The following TNNT1 variants were observed in gnomAD, a reference collection of about 807,000 sequenced individuals.
TNNT1 encodes troponin T, slow skeletal muscle.
TNNT1 carries 53 observed loss-of-function variants against 50.6 expected under a neutral mutation model. The observed-to-expected ratio is 1.05, with a 90% confidence interval of 0.84 to 1.32. The LOEUF (loss-of-function observed/expected upper bound fraction) is 1.32. TNNT1 is among the 40% of genes most tolerant of loss of function. TNNT1 has a pLI of 0.00. For missense variants in TNNT1, 348 were observed against 381.7 expected, an observed-to-expected ratio of 0.91 and a Z score of 0.74; for synonymous variants, 142 against 138.0, an observed-to-expected ratio of 1.03 and a Z score of -0.20.
intron 7 of TNNT1, 36 bp downstream of exon 7, chr19:55,141,821 G>T (rs1052386194): frequency 2.5e-6 from 4 of 1,611,682 alleles, no homozygotes; most frequent in Non-Finnish European, 3.4e-6. Context: ...TTAAAGACTA[G>T]CAACTGCGCC....
intron 6 of TNNT1, among the ~76,000 whole-genome samples, chr19:55,143,091 C>T (rs901775682): frequency 6.6e-6 from 1 of 151,864 alleles, no homozygotes; most frequent in Non-Finnish European, 1.5e-5. Flanking sequence ...ATCGCTTGAA[C>T]CCCGGAGGCA....
At chr19:55,135,525 CTT>C (rs35798514) in intron 11 of TNNT1, 4,194 of 170,326 alleles carry the variant, frequency 0.025, no homozygotes, top group South Asian at 0.062. Context: ...TCACCTCAGC[CTT>C]TTTTTTTTTT....
chr19:55,148,845 C>G (rs917286964), intron 1 of TNNT1, among the ~76,000 whole-genome samples: 1 of 152,070 alleles, frequency 6.6e-6, no homozygotes, highest in Non-Finnish European at 1.5e-5. Context: ...TGTTTGACCT[C>G]CAAGTCCAGA....
At chr19:55,146,620 G>A in intron 4 of TNNT1, 61 bp downstream of exon 4, 1 of 676,702 alleles carries the variant, frequency 1.5e-6, no homozygotes. Flanking sequence ...CCCTCCTCCC[G>A]GGCCCAGCGT....
intron 13 of TNNT1, 90 bp downstream of exon 13, chr19:55,133,797 G>C: frequency 4.1e-6 from 6 of 1,463,362 alleles, no homozygotes; most frequent in Non-Finnish European, 5.8e-6. Flanking sequence ...TCAGGCAGTG[G>C]GGGATGGAGC....
chr19:55,134,314 T>G (rs2085304232), intron 11 of TNNT1, 110 bp from the exon 12 acceptor site: 14 of 1,134,454 alleles, frequency 1.2e-5, no homozygotes, highest in Non-Finnish European at 1.5e-5. Flanking sequence ...TTGTTCATAT[T>G]TGAGGCCGAG....
intron 9 of TNNT1, among the ~76,000 whole-genome samples, chr19:55,139,022 T>C (rs57026198): frequency 0.11 from 16,427 of 152,108 alleles, 1,047 homozygotes; most frequent in East Asian, 0.23. Flanking sequence ...TGAGATGGAG[T>C]CTCGCTCTGT....
At chr19:55,137,483 C>T (rs1238106159) in intron 10 of TNNT1, among the ~76,000 whole-genome samples, 4 of 150,712 alleles carry the variant, frequency 2.7e-5, no homozygotes, top group African/African-American at 9.8e-5. Context: ...CCCCCAGCCC[C>T]TCCTCCCTCA....
Position 55,146,697 on chromosome 19 carries a change from C to A in TNNT1, c.57G>T (p.Ala19=). The A allele has an allele frequency of 1.3e-6, 2 of 1,501,568 alleles. No homozygotes were observed. Among genetic ancestry groups the A allele is most frequent in the East Asian group, 2.4e-5 (1 of 41,772 alleles). 93.0% of individuals were successfully genotyped at this position (1,501,568 alleles called of 1,614,324 possible). A position where few individuals can be genotyped will look rare whatever the true frequency, so the allele number is the denominator to read the frequency against. ...GGACCTCACCTTCCTCCTCCTCCTC[C>A]GCAGCCTCCTCTGGAGATGGGGGCA... is the stretch of plus-strand genomic sequence containing the variant. The part of the protein sequence containing the change: ...YEEEQPEEEA[A]EEEEEAPEEP... The change falls in exon 4 of 14, where the codon GCG becomes GCT. Residue 19 remains alanine, a synonymous_variant. Transcript: ENST00000588981.
At chr19:55,134,034 T>TCTCC (rs748307448) in intron 12 of TNNT1, 32 bp downstream of exon 12, 1 of 1,599,978 alleles carries the variant, frequency 6.3e-7, no homozygotes, top group Non-Finnish European at 8.6e-7. Context: ...CCCTGCCCTC[T>TCTCC]CTCCCTCCCT....
chr19:55,133,411 G>A (rs2085282724), intron 13 of TNNT1: 4 of 294,164 alleles, frequency 1.4e-5, no homozygotes, highest in Non-Finnish European at 2.6e-5. Context: ...TGGGCGCGGT[G>A]GCTCACGCCT....
Position 55,146,686 on chromosome 19 carries a change from T to C in TNNT1, c.68A>G (p.Glu23Gly). Residue 23 changes from glutamate to glycine, a missense_variant, in exon 4 of 14, where the codon GAG becomes GGG. Coordinates refer to ENST00000588981, the MANE Select transcript of TNNT1 (RefSeq NM_003283.6). The part of the protein sequence containing the change: ...QPEEEAAEEE[E>G]EAPEEPEPVA... ...TGCGGAGTCCGGGACCTCACCTTCC[T>C]CCTCCTCCTCCGCAGCCTCCTCTGG... The C allele has an allele frequency of 7.2e-7, 1 of 1,396,514 alleles. No homozygotes were observed. The highest frequency in any genetic ancestry group is 9.4e-7 in the Non-Finnish European group (1 of 1,058,786). 86.5% of individuals were successfully genotyped at this position (1,396,514 alleles called of 1,614,324 possible).
chr19:55,133,619 A>C (rs1019419842), intron 13 of TNNT1: 1 of 536,648 alleles, frequency 1.9e-6, no homozygotes, highest in Non-Finnish European at 3.3e-6. Flanking sequence ...TGGAAGTTGC[A>C]GTGAGCTGAG....
In TNNT1 at chr19:55,141,856, C is replaced by T. The variant is rs767424605; in HGVS notation, c.192+1G>A. The T allele has an allele frequency of 1.2e-6, 2 of 1,614,012 alleles. No individual in the cohort carries two copies. Among genetic ancestry groups the T allele is most frequent in the South Asian group, 1.1e-5 (1 of 91,088 alleles). On this transcript the variant is annotated splice_donor_variant, in intron 7 of 13. Transcript: ENST00000588981. LOFTEE classifies it high-confidence loss of function. The stretch of plus-strand genomic sequence containing the variant: ...CTGCGGAGGGGTCTCTTGTCACTTA[C>T]ATCGAAGTCAACGCGCTCCCCTTCT...
At position 55,140,785 on chromosome 19, in the gene TNNT1, A is replaced by G. The variant is rs1028227146; in HGVS notation, c.387+98T>C. On this transcript the variant is annotated intron_variant, in intron 9 of 13. Coordinates refer to ENST00000588981, the MANE Select transcript of TNNT1 (RefSeq NM_003283.6). Reference sequence around the variant, plus strand: ...GAGCTAGACTCCGTTTCAAAGAATAATAATAATAGTAATAATAATAATAAT... The same window carrying G: ...GAGCTAGACTCCGTTTCAAAGAATAGTAATAATAGTAATAATAATAATAAT... 1.5e-5 allele frequency: 13 copies of G among 873,296 alleles called. No homozygotes were observed. In the African/African-American group the frequency reaches 2.1e-4, roughly 14 times the overall value. The allele number at this position is 873,296 out of a possible 1,614,324, so 54.1% of individuals were successfully genotyped here. A position where few individuals can be genotyped will look rare whatever the true frequency, so the allele number is the denominator to read the frequency against.
chr19:55,142,428 T>C (rs1181157114), intron 6 of TNNT1, among the ~76,000 whole-genome samples: 1 of 151,982 alleles, frequency 6.6e-6, no homozygotes, highest in African/African-American at 2.4e-5. Flanking sequence ...GCACTAATCA[T>C]GTTTTATACT....
intron 10 of TNNT1, 62 bp downstream of exon 10, chr19:55,137,899 G>A (rs1369440028): frequency 6.3e-7 from 1 of 1,595,764 alleles, no homozygotes. Context: ...GGAACCAGAG[G>A]TCTGGCCCCC....
intron 10 of TNNT1, 118 bp from the exon 11 acceptor site, chr19:55,137,330 A>G (rs1053172210): frequency 5.7e-6 from 4 of 705,818 alleles, no homozygotes; most frequent in Non-Finnish European, 1.0e-5. Context: ...ACAGGTCTGC[A>G]CCCCAGGCCC....
intron 6 of TNNT1, among the ~76,000 whole-genome samples, chr19:55,143,834 A>G (rs1435125794): frequency 6.6e-6 from 1 of 152,158 alleles, no homozygotes; most frequent in Non-Finnish European, 1.5e-5. Flanking sequence ...CCTAAGCCCC[A>G]GACTCAAGCT....
Sources: allele counts gnomAD v4.1 joint callset (sites outside exome capture counted in the v4.1 genomes callset), GRCh38; gene constraint gnomAD v4.1.1; transcripts MANE v1.5; gene names NCBI Gene and HGNC (gene_info 2026-07-23, HGNC 2026-07-21).